SLC3A2: variants seen among roughly 807,000 people sequenced by gnomAD.
SLC3A2 encodes the protein amino acid transporter heavy chain SLC3A2.
In SLC3A2, 32 loss-of-function variants were observed where a neutral mutation model predicts 48.5. The ratio of observed to expected loss-of-function variants is 0.66; its 90% CI spans 0.50 to 0.89. The LOEUF (loss-of-function observed/expected upper bound fraction) is 0.89. SLC3A2 is among the 40% of genes least tolerant of loss of function. The pLI is 0.00. For synonymous variants in SLC3A2, 277 were observed against 288.8 expected, an observed-to-expected ratio of 0.96 and a Z score of 0.41; for missense variants, 587 against 680.7, an observed-to-expected ratio of 0.86 and a Z score of 1.53.
intron 1 of SLC3A2, among the ~76,000 whole-genome samples, chr11:62,867,793 A>G (rs895369021): frequency 4.6e-5 from 7 of 151,214 alleles, no homozygotes; most frequent in African/African-American, 1.7e-4. Flanking sequence ...TTTTTTCTTT[A>G]ACATTATGTT....
intron 1 of SLC3A2, among the ~76,000 whole-genome samples, chr11:62,856,877 A>G (rs479958): frequency 1 from 150,532 of 150,616 alleles, 75,224 homozygotes; most frequent in Middle Eastern, 1. Context: ...CCAGGCTGGA[A>G]TGCAATGGCC....
Position 62,881,345 on chromosome 11 carries a change from C to A in SLC3A2, c.322C>A (p.Arg108Ser), listed in dbSNP as rs1308899389. 6.3e-7 allele frequency: 1 copy of A among 1,592,070 alleles called. No individual in the cohort carries two copies. The highest frequency in any genetic ancestry group is 8.5e-7 in the Non-Finnish European group (1 of 1,173,772). Residue 108 changes from arginine to serine, a missense_variant, in exon 1 of 9, where the codon CGT becomes AGT. Physicochemically the swap from Arg to Ser is moderately radical, Grantham distance 110. Around this residue, in one of 3 missense-constraint regions of SLC3A2, gnomAD observed 409 missense variants for 446.7 expected, o/e 0.92. Transcript: ENST00000338663. This position sits in a 1 kb window ranked among gnomAD's most constrained non-coding sequence, Gnocchi z 4.0. Reference sequence around the variant, plus strand: ...CGTGGTCATAATCGTGCGAGCGCCGCGTTGTCGCGAGCTACCGGCGCAGAA... The same window carrying A: ...CGTGGTCATAATCGTGCGAGCGCCGAGTTGTCGCGAGCTACCGGCGCAGAA... ...GAVVIIVRAPRCRELPAQKWW... is the reference protein window; with the variant it reads ...GAVVIIVRAPSCRELPAQKWW...
At position 62,881,529 on chromosome 11, in the gene SLC3A2, G is replaced by A; in HGVS notation, c.424+82G>A. The A allele has an allele frequency of 6.8e-7, 1 of 1,469,596 alleles. No homozygotes were observed. 91.0% of individuals were successfully genotyped at this position (1,469,596 alleles called of 1,614,324 possible). On this transcript the variant is annotated intron_variant, in intron 1 of 8. Transcript: ENST00000338663. The surrounding 1 kb of genome is among the most constrained non-coding windows in gnomAD (Gnocchi z 4.0). The stretch of plus-strand genomic sequence containing the variant: ...CGACCCCCTCCCCTGTCCCCAGACG[G>A]ATCTAGATGGTTCTTCCCTCCATCC...
At chr11:62,867,614 G>A (rs1051519862) in intron 1 of SLC3A2, among the ~76,000 whole-genome samples, 1 of 151,826 alleles carries the variant, frequency 6.6e-6, no homozygotes, top group African/African-American at 2.4e-5. Flanking sequence ...GTGAGCCACC[G>A]TGCCCGGCTG....
chr11:62,868,365 CTTTTT>C (rs1184700101), intron 1 of SLC3A2, among the ~76,000 whole-genome samples: 2 of 132,700 alleles, frequency 1.5e-5, no homozygotes, highest in African/African-American at 2.7e-5. Context: ...TATTTTCATT[CTTTTT>C]TTTTTTTTTT....
At chr11:62,860,551 T>C (rs1025215323) in intron 1 of SLC3A2, among the ~76,000 whole-genome samples, 18 of 151,908 alleles carry the variant, frequency 1.2e-4, no homozygotes, top group African/African-American at 4.3e-4. Context: ...TACAATCGGG[T>C]TTTATACAGA....
rs999293834 is a variant in SLC3A2, at chr11:62,885,709, C to A, written c.1143+101C>A. The A allele has an allele frequency of 4.5e-6, 6 of 1,329,088 alleles. No homozygotes were observed. The East Asian group carries it at 1.2e-4, about 26-fold the overall frequency. The allele number at this position is 1,329,088 out of a possible 1,614,324, so 82.3% of individuals were successfully genotyped here. ...ATAGACGTGAGCCTTGGGGTGAAAA[C>A]GCGTTTGATTCTTAGTCAGTAGCTG... On this transcript the variant is annotated intron_variant, in intron 7 of 8. Transcript: ENST00000338663.
At chr11:62,858,040 T>G (rs12794763) in intron 1 of SLC3A2, among the ~76,000 whole-genome samples, 21,993 of 152,000 alleles carry the variant, frequency 0.14, 2,437 homozygotes, top group South Asian at 0.37. Context: ...ATTTGAATTA[T>G]ACATAGAAAA....
chr11:62,884,748 T>C, intron 5 of SLC3A2, 58 bp downstream of exon 5: 1 of 1,418,722 alleles, frequency 7.0e-7, no homozygotes, highest in Non-Finnish European at 9.5e-7. Context: ...CTCAGTGGAG[T>C]GCTAGGCCTA....
In SLC3A2 at chr11:62,881,750, C is replaced by T; in HGVS notation, c.425-143C>T. ...TGCAGGACTCCTTACATCAGCTCCT[C>T]TGAGTCTCGTGATTCAGCCTTGCCT... is the stretch of plus-strand genomic sequence containing the variant. On this transcript the variant is annotated intron_variant, in intron 1 of 8. Transcript: ENST00000338663. The surrounding 1 kb of genome is among the most constrained non-coding windows in gnomAD (Gnocchi z 4.0). 1.0e-6 allele frequency: 1 copy of T among 979,222 alleles called. No homozygotes were observed. The highest frequency in any genetic ancestry group is 1.5e-6 in the Non-Finnish European group (1 of 666,184). The allele number at this position is 979,222 out of a possible 1,614,324, so 60.7% of individuals were successfully genotyped here. A position where few individuals can be genotyped will look rare whatever the true frequency, so the allele number is the denominator to read the frequency against.
upstream of SLC3A2, among the ~76,000 whole-genome samples, chr11:62,880,253 TAA>T (rs1449574225): frequency 6.6e-6 from 1 of 152,190 alleles, no homozygotes; most frequent in East Asian, 1.9e-4. Flanking sequence ...TTAAATTCAA[TAA>T]AGTTAACAAA....
upstream of SLC3A2, chr11:62,877,027 G>A (rs2085577553): frequency 3.0e-6 from 2 of 666,350 alleles, no homozygotes; most frequent in African/African-American, 2.0e-5. Context: ...TCACATGCTA[G>A]TTTTTTTCAG....
intron 1 of SLC3A2, among the ~76,000 whole-genome samples, chr11:62,866,542 T>G (rs2134981300): frequency 6.6e-6 from 1 of 152,068 alleles, no homozygotes; most frequent in Non-Finnish European, 1.5e-5. Context: ...ATTACAGGTG[T>G]GTGCCACCAA....
chr11:62,880,415 T>G (rs1293915486), upstream of SLC3A2: 1 of 152,418 alleles, frequency 6.6e-6, no homozygotes, highest in African/African-American at 2.4e-5. Flanking sequence ...CCCAGAGGCC[T>G]GAGAGGGCAA....
chr11:62,863,109 C>CG (rs1422078637), intron 1 of SLC3A2, among the ~76,000 whole-genome samples: 3 of 151,976 alleles, frequency 2.0e-5, no homozygotes, highest in Non-Finnish European at 2.9e-5. Context: ...TTAGTAGAGA[C>CG]GGGGTTTCAC....
chr11:62,863,884 A>AT (rs1247076333), intron 1 of SLC3A2, among the ~76,000 whole-genome samples: 1 of 152,082 alleles, frequency 6.6e-6, no homozygotes, highest in Non-Finnish European at 1.5e-5. Context: ...TGCTTTTGCC[A>AT]TAGGAGCTTG....
At chr11:62,869,037 G>A (rs2085482609) in intron 1 of SLC3A2, among the ~76,000 whole-genome samples, 3 of 151,564 alleles carry the variant, frequency 2.0e-5, no homozygotes, top group African/African-American at 4.8e-5. Flanking sequence ...TAGCTGGGAC[G>A]ACAGGCTTGC....
rs963168305 is a variant in SLC3A2, at chr11:62,859,958, C to T, written c.112+3577C>T. On this transcript the variant is annotated intron_variant, in intron 1 of 9. Coordinates refer to the SLC3A2 transcript ENST00000377889. ...GAAGAAAAGTGGACCCGGGGACTGG[C>T]GCTCAGCATACGGAGGACCCGCACC... Among the ~76,000 whole-genome samples, 74 of 152,132 alleles carry T rather than the reference C, an allele frequency of 4.9e-4. 4 individuals are homozygous for T. The highest frequency in any genetic ancestry group is 2.1e-4 in the South Asian group (1 of 4,824).
chr11:62,856,815 A>AT, intron 1 of SLC3A2, among the ~76,000 whole-genome samples: 1 of 128,812 alleles, frequency 7.8e-6, no homozygotes. Flanking sequence ...CTTTATAAAC[A>AT]TTTTTTTCTT....
Sources: allele counts gnomAD v4.1 joint callset (sites outside exome capture counted in the v4.1 genomes callset), GRCh38; gene constraint gnomAD v4.1.1; regional missense constraint gnomAD v4.1.1; non-coding constraint Gnocchi (gnomAD v3.1); transcripts MANE v1.5; gene names NCBI Gene and HGNC (gene_info 2026-07-23, HGNC 2026-07-21).